PADI1: variants seen among roughly 807,000 people sequenced by gnomAD.
PADI1 encodes peptidyl arginine deiminase 1, also known as protein-arginine deiminase type-1.
PADI1 carries 65 observed loss-of-function variants against 74.8 expected under a neutral mutation model. That is an observed-to-expected ratio of 0.87 (90% CI 0.71 to 1.07). The LOEUF is 1.07. Among genes scored for constraint, PADI1 ranks in the 50% least tolerant of loss-of-function variants. PADI1 has a pLI of 0.00. For missense variants in PADI1, 943 were observed against 854.0 expected (o/e 1.10, Z -1.30); for synonymous variants, 371 against 336.2 (o/e 1.10, Z -1.13).
chr1:17,239,884 T>C lies in PADI1; in HGVS notation c.1632+101T>C. The C allele has an allele frequency of 6.4e-6, 6 of 938,334 alleles. No individual in the cohort carries two copies. In the Admixed American group the frequency reaches 1.2e-4, roughly 19 times the overall value. 58.1% of individuals were successfully genotyped at this position (938,334 alleles called of 1,614,324 possible). A position where few individuals can be genotyped will look rare whatever the true frequency, so the allele number is the denominator to read the frequency against. The stretch of plus-strand genomic sequence containing the variant: ...GGTCAGAGATTCAGCGCTGGAGCTC[T>C]CATGGTCCTGGGGGCTGCTGGGGCC... On this transcript the variant is annotated intron_variant, in intron 14 of 15. Coordinates refer to ENST00000375471, the MANE Select transcript of PADI1 (RefSeq NM_013358.3).
chr1:17,231,110 G>A (rs540079611), intron 10 of PADI1, among the ~76,000 whole-genome samples: 1 of 152,268 alleles, frequency 6.6e-6, no homozygotes, highest in South Asian at 2.1e-4. Context: ...TACGTGCCAG[G>A]CACTGTGCTA....
chr1:17,217,006 A>C (rs2100423332), intron 1 of PADI1, among the ~76,000 whole-genome samples: 1 of 134,180 alleles, frequency 7.5e-6, no homozygotes, highest in South Asian at 2.6e-4. Context: ...GACAGAAGAA[A>C]GGAGGAGAGG....
chr1:17,222,566 A>G (rs148980244), intron 2 of PADI1, 96 bp downstream of exon 2: 3 of 910,638 alleles, frequency 3.3e-6, no homozygotes, highest in Non-Finnish European at 5.3e-6. Context: ...AAAGCTCCCC[A>G]CTTAACCAAA....
chr1:17,229,020 A>C lies in PADI1; in HGVS notation c.898A>C (p.Thr300Pro), dbSNP rs1042022782. The C allele has an allele frequency of 5.1e-6, 8 of 1,582,284 alleles. No individual in the cohort carries two copies. In the Admixed American group the frequency reaches 1.4e-4, roughly 28 times the overall value. Residue 300 changes from threonine (T) to proline (P), a missense_variant, in exon 8 of 16, where the codon ACT (threonine) becomes CCT (proline). Transcript: ENST00000375471. ...RMAPWIMTPN[T>P]QPPEELYVCR... is the part of the protein sequence containing the mutation. ...GGCCCCCTGGATCATGACGCCCAACACTCAGCCTCCTGAGGAGCTGTATGT... is the reference window on the plus strand; with the variant it reads ...GGCCCCCTGGATCATGACGCCCAACCCTCAGCCTCCTGAGGAGCTGTATGT...
chr1:17,227,015 G>C (rs911877315), intron 6 of PADI1, among the ~76,000 whole-genome samples: 1 of 150,548 alleles, frequency 6.6e-6, no homozygotes, highest in African/African-American at 2.4e-5. Flanking sequence ...CTGGGCGACA[G>C]AGTGAGACTC....
intron 1 of PADI1, among the ~76,000 whole-genome samples, chr1:17,214,673 G>A (rs763139807): frequency 4.6e-5 from 7 of 152,138 alleles, no homozygotes; most frequent in Non-Finnish European, 1.5e-5. Context: ...CCAGAAAGCT[G>A]GCGCAATACA....
At chr1:17,240,201 A>T (rs2072745094) in intron 14 of PADI1, 1 of 239,868 alleles carries the variant, frequency 4.2e-6, no homozygotes, top group African/African-American at 2.2e-5. Context: ...GGCTCACCCC[A>T]AGGATAAAAA....
chr1:17,206,845 C>T (rs1377931019), intron 1 of PADI1, among the ~76,000 whole-genome samples: 1 of 151,928 alleles, frequency 6.6e-6, no homozygotes, highest in African/African-American at 2.4e-5. Flanking sequence ...TCACACTCGG[C>T]TAATTTTGTA....
At chr1:17,228,850 G>A in intron 7 of PADI1, 53 bp downstream of exon 7, 3 of 1,598,742 alleles carry the variant, frequency 1.9e-6, no homozygotes, top group Non-Finnish European at 2.6e-6. Flanking sequence ...TGGGGGCCCA[G>A]TTTGCAGGCT....
intron 6 of PADI1, among the ~76,000 whole-genome samples, chr1:17,228,167 T>A (rs558810517): frequency 2.0e-5 from 3 of 152,114 alleles, no homozygotes; most frequent in Non-Finnish European, 2.9e-5. Context: ...TTTTAAAAAA[T>A]TTTTTGTAGA....
intron 11 of PADI1, among the ~76,000 whole-genome samples, chr1:17,235,316 T>C (rs1334562184): frequency 3.2e-5 from 2 of 63,434 alleles, no homozygotes; most frequent in Non-Finnish European, 6.0e-5. Context: ...GGAGGCAAAG[T>C]AGTGTGGAGT....
chr1:17,238,468 T>A (rs2072701091), intron 12 of PADI1, 148 bp from the exon 13 acceptor site: 1 of 415,684 alleles, frequency 2.4e-6, no homozygotes, highest in Non-Finnish European at 4.3e-6. Flanking sequence ...CTGGGAGAGT[T>A]GCAGACAGTG....
intron 6 of PADI1, among the ~76,000 whole-genome samples, chr1:17,227,579 A>AAATT (rs1444274996): frequency 7.3e-6 from 1 of 136,960 alleles, no homozygotes; most frequent in Non-Finnish European, 1.7e-5. Context: ...ATAAATAAAT[A>AAATT]AATTACCACT....
intron 1 of PADI1, among the ~76,000 whole-genome samples, chr1:17,211,060 T>C (rs2071821527): frequency 6.6e-6 from 1 of 152,220 alleles, no homozygotes; most frequent in Non-Finnish European, 1.5e-5. Flanking sequence ...CCCATTTTCT[T>C]GGTCAGGGAG....
At chr1:17,241,281 G>A (rs1365289980) in intron 15 of PADI1, among the ~76,000 whole-genome samples, 3 of 152,244 alleles carry the variant, frequency 2.0e-5, no homozygotes, top group Non-Finnish European at 4.4e-5. Context: ...TCTCAACTGG[G>A]AAGGGCCTGA....
intron 10 of PADI1, 58 bp from the exon 11 acceptor site, chr1:17,232,761 G>T (rs1041966510): frequency 1.3e-6 from 2 of 1,535,478 alleles, no homozygotes; most frequent in Non-Finnish European, 1.8e-6. Context: ...GAACTGCCTC[G>T]TCCTGTCCTC....
chr1:17,215,551 T>C lies in PADI1; in HGVS notation c.93-6739T>C, dbSNP rs187434299. ...TGGCACCGGTGGTCCCTGAGTGGGGTGGAGCAGGAGTCACCCATGAGCTAG... is the reference window on the plus strand; with the variant it reads ...TGGCACCGGTGGTCCCTGAGTGGGGCGGAGCAGGAGTCACCCATGAGCTAG... On this transcript the variant is annotated intron_variant, in intron 1 of 15. Coordinates refer to ENST00000375471, the MANE Select transcript of PADI1 (RefSeq NM_013358.3). Among the ~76,000 whole-genome samples, 1,334 of 151,698 alleles carry C rather than the reference T, an allele frequency of 8.8e-3. 9 individuals carry two copies. The highest frequency in any genetic ancestry group is 0.014 in the Non-Finnish European group (949 of 67,894).
At chr1:17,206,729 C>G (rs1488557590) in intron 1 of PADI1, among the ~76,000 whole-genome samples, 4 of 144,644 alleles carry the variant, frequency 2.8e-5, no homozygotes, top group African/African-American at 1.0e-4. Context: ...CTCTGTCACC[C>G]AGGCTGGAGT....
rs1240309307 is a variant in PADI1, at chr1:17,219,966, A to G, written c.93-2324A>G. ...TGCAGATGATGGTGGCTGGGATTGA[A>G]AGGGAGTTGGGGAGGATGAGGAAGG... On this transcript the variant is annotated intron_variant, in intron 1 of 15. Transcript: ENST00000375471. 2.7e-4 allele frequency among the ~76,000 whole-genome samples: 41 copies of G among 152,030 alleles called. 2 individuals are homozygous for G. The highest frequency in any genetic ancestry group is 2.7e-3 in the Admixed American group (41 of 15,262).
Sources: gnomAD v4.1 joint callset for allele counts (sites outside exome capture counted in the v4.1 genomes callset) on GRCh38, gnomAD v4.1.1 for gene constraint, MANE v1.5 for transcripts, NCBI Gene and HGNC (gene_info 2026-07-23, HGNC 2026-07-21) for gene names.